Variants in DSPP observed in about 807,000 individuals in gnomAD.
DSPP encodes the protein deafness, autosomal dominant 39.
A neutral mutation model predicts 29.1 loss-of-function variants in DSPP; 28 were observed. The observed-to-expected ratio is 0.96, with a 90% CI of 0.71 to 1.32. The LOEUF (loss-of-function observed/expected upper bound fraction) is 1.32. Ranked by LOEUF, DSPP falls within the 40% of genes most tolerant of loss-of-function variation. The pLI, the probability that DSPP is intolerant of heterozygous loss-of-function variation, is 0.00. For synonymous variants in DSPP, 481 were observed against 503.4 expected (o/e 0.96, Z 0.60); for missense variants, 1,281 against 1,629.9 (o/e 0.79, Z 3.69).
rs766701289 is a variant in DSPP, at chr4:87,613,906, A to G, written c.1244A>G (p.Lys415Arg). ...ATGATCTTGGGCAAAGGCAATGTCAAGACACAAGGAGAGGTTGTCAACATA... is the reference window on the plus strand; with the variant it reads ...ATGATCTTGGGCAAAGGCAATGTCAGGACACAAGGAGAGGTTGTCAACATA... ...HGMILGKGNV[K>R]TQGEVVNIEG... The change falls in exon 5 of 5, where the codon AAG becomes AGG. Residue 415 changes from lysine to arginine, a missense_variant. Coordinates refer to ENST00000651931, the MANE Select transcript of DSPP (RefSeq NM_014208.3). 18 of 1,614,148 alleles carry G rather than the reference A, an allele frequency of 1.1e-5. No homozygotes were observed. Among genetic ancestry groups the G allele is most frequent in the Non-Finnish European group, 1.4e-5 (16 of 1,180,058 alleles).
intron 2 of DSPP, 75 bp from the exon 3 acceptor site, chr4:87,612,030 T>C: frequency 7.7e-7 from 1 of 1,293,446 alleles, no homozygotes; most frequent in South Asian, 1.2e-5. Flanking sequence ...TGTGTGTGTG[T>C]GTGTGTGTGT....
At chr4:87,613,668 A>C (rs1374785324) in intron 4 of DSPP, 117 bp from the exon 5 acceptor site, 1 of 1,393,348 alleles carries the variant, frequency 7.2e-7, no homozygotes, top group Non-Finnish European at 1.0e-6. Flanking sequence ...ACTGTGAAGT[A>C]CTAGAAATGT....
chr4:87,612,291 C>G, intron 3 of DSPP, 31 bp from the exon 4 acceptor site: 1 of 1,613,338 alleles, frequency 6.2e-7, no homozygotes, highest in African/African-American at 1.3e-5. Flanking sequence ...ATCATTGATA[C>G]TTATAATTGA....
chr4:87,614,330 TAGC>T lies in DSPP; in HGVS notation c.1673_1675del (p.Ser558del). ...ATAGCAGTGACAGTGATAGTAGTGA[TAGC>T]AGCAATAGCAGTGATAGTAGTGACA... On this transcript the variant is annotated inframe_deletion, in exon 5 of 5. Coordinates refer to ENST00000651931, the MANE Select transcript of DSPP (RefSeq NM_014208.3). 20 of 1,609,132 alleles carry T rather than the reference TAGC, an allele frequency of 1.2e-5. No homozygotes were observed. The highest frequency in any genetic ancestry group is 1.7e-5 in the Admixed American group (1 of 59,788).
Position 87,612,768 on chromosome 4 carries a change from C to A in DSPP, c.582C>A (p.Asp194Glu), listed in dbSNP as rs2109995675. 6.2e-7 allele frequency: 1 copy of A among 1,614,072 alleles called. No homozygotes were observed. The highest frequency in any genetic ancestry group is 8.5e-7 in the Non-Finnish European group (1 of 1,180,010). The change falls in exon 4 of 5, where the codon GAC (aspartate) becomes GAA (glutamate). Residue 194 changes from aspartate to glutamate, a missense_variant. Physicochemically the swap from Asp to Glu is conservative, Grantham distance 45. Transcript: ENST00000651931. ...PQVAGSNNST[D>E]NEDEIIENSC... is the part of the protein sequence containing the mutation. ...TAGCTGGAAGCAATAACAGTACAGACAATGAGGATGAAATAATTGAGAATT... is the reference window on the plus strand; with the variant it reads ...TAGCTGGAAGCAATAACAGTACAGAAAATGAGGATGAAATAATTGAGAATT...
chr4:87,614,822 T>C lies in DSPP; in HGVS notation c.2160T>C (p.Asn720=), dbSNP rs981980695. 3 of 1,549,924 alleles carry C rather than the reference T, an allele frequency of 1.9e-6. No homozygotes were observed. The highest frequency in any genetic ancestry group is 2.6e-6 in the Non-Finnish European group (3 of 1,146,684). ...SDSSDSSDSS[N]SNSSDSDSSN... ...GCAGTGATAGTAGTGACAGCAGTAATAGTAACAGCAGCGATAGTGACAGCA... is the reference window on the plus strand; with the variant it reads ...GCAGTGATAGTAGTGACAGCAGTAACAGTAACAGCAGCGATAGTGACAGCA... The change falls in exon 5 of 5, where the codon AAT becomes AAC. Residue 720 remains asparagine, a synonymous_variant. Coordinates refer to ENST00000651931, the MANE Select transcript of DSPP (RefSeq NM_014208.3).
chr4:87,609,788 C>G (rs927744197), intron 1 of DSPP, among the ~76,000 whole-genome samples: 1 of 152,110 alleles, frequency 6.6e-6, no homozygotes, highest in African/African-American at 2.4e-5. Context: ...GAGTAAAACT[C>G]TCCTTTCTAT....
At position 87,613,315 on chromosome 4, in the gene DSPP, T is replaced by G. The variant is rs1255905227; in HGVS notation, c.1122+7T>G. 2 of 1,613,044 alleles carry G rather than the reference T, an allele frequency of 1.2e-6. No homozygotes were observed. Among genetic ancestry groups the G allele is most frequent in the African/African-American group, 2.7e-5 (2 of 75,046 alleles). On this transcript the variant is annotated splice_region_variant and intron_variant, in intron 4 of 4. Transcript: ENST00000651931. Reference sequence around the variant, plus strand: ...TGGGAAGAGCCAAGATAAGGTTAGTTTGTAAAGCTGATTTCTTTCAATGGC... The same window carrying G: ...TGGGAAGAGCCAAGATAAGGTTAGTGTGTAAAGCTGATTTCTTTCAATGGC...
chr4:87,614,443 ATAG>A lies in DSPP; in HGVS notation c.1786_1788del (p.Ser596del), dbSNP rs1437344619. 58 of 1,551,768 alleles carry A rather than the reference ATAG, an allele frequency of 3.7e-5. No individual in the cohort carries two copies. The Admixed American group carries it at 4.5e-4, about 12-fold the overall frequency. On this transcript the variant is annotated inframe_deletion, in exon 5 of 5. Coordinates refer to ENST00000651931, the MANE Select transcript of DSPP (RefSeq NM_014208.3). ...GACAGCAGTGATAGCAGTGACAGTGATAGTAGTGATAGCAGCAATAGCAGTGAC... is the reference window on the plus strand; with the variant it reads ...GACAGCAGTGATAGCAGTGACAGTGATAGTGATAGCAGCAATAGCAGTGAC...
At chr4:87,613,666 G>A in intron 4 of DSPP, 119 bp from the exon 5 acceptor site, 1 of 1,387,962 alleles carries the variant, frequency 7.2e-7, no homozygotes, top group Non-Finnish European at 1.0e-6. Flanking sequence ...TAACTGTGAA[G>A]TACTAGAAAT....
chr4:87,613,670 T>C (rs1173343183), intron 4 of DSPP, 115 bp from the exon 5 acceptor site: 1 of 1,425,064 alleles, frequency 7.0e-7, no homozygotes, highest in East Asian at 2.3e-5. Flanking sequence ...TGTGAAGTAC[T>C]AGAAATGTAA....
At chr4:87,611,219 A>G (rs1329625676) in intron 2 of DSPP, among the ~76,000 whole-genome samples, 1 of 152,130 alleles carries the variant, frequency 6.6e-6, no homozygotes, top group Non-Finnish European at 1.5e-5. Flanking sequence ...ATTCCTCTAT[A>G]GAAACTCATA....
Position 87,610,877 on chromosome 4 carries a change from A to G in DSPP, c.-28-4A>G. 6.3e-7 allele frequency: 1 copy of G among 1,579,644 alleles called. No individual in the cohort carries two copies. ...TAATTTTGTGCTGTTCCTTTTTTATACAGCCATTGATTATTATTATTCCTA... is the reference window on the plus strand; with the variant it reads ...TAATTTTGTGCTGTTCCTTTTTTATGCAGCCATTGATTATTATTATTCCTA... On this transcript the variant is annotated splice_region_variant and splice_polypyrimidine_tract_variant and intron_variant, in intron 1 of 4. Transcript: ENST00000651931.
At chr4:87,612,014 T>A (rs1196173680) in intron 2 of DSPP, 91 bp from the exon 3 acceptor site, 26 of 157,476 alleles carry the variant, frequency 1.7e-4, no homozygotes, top group Non-Finnish European at 2.6e-4. Context: ...AGAATATTTG[T>A]GTGTGTGTGT....
intron 1 of DSPP, 129 bp from the exon 2 acceptor site, chr4:87,610,752 A>G: frequency 1.5e-6 from 1 of 670,158 alleles, no homozygotes; most frequent in Non-Finnish European, 2.7e-6. Context: ...GGACCATCGT[A>G]TGTCTTCTCG....
chr4:87,612,121 C>T lies in DSPP; in HGVS notation c.68C>T (p.Pro23Leu), dbSNP rs1467702977. 1.2e-5 allele frequency: 20 copies of T among 1,613,768 alleles called. No individual in the cohort carries two copies. Among genetic ancestry groups the T allele is most frequent in the Non-Finnish European group, 1.7e-5 (20 of 1,179,832 alleles). The change falls in exon 3 of 5, where the codon CCA becomes CTA. Residue 23 changes from proline (P) to leucine (L), a missense_variant. Coordinates refer to ENST00000651931, the MANE Select transcript of DSPP (RefSeq NM_014208.3). ...AWAIPVPQSKPLERHVEKSMN... is the reference protein window; with the variant it reads ...AWAIPVPQSKLLERHVEKSMN... ...ACTTGGCAGGTTCCTCAAAGCAAAC[C>T]ACTGGAGAGACATGTCGAAAAATCC...
rs1727960659 is a variant in DSPP at position 87,616,522 on chromosome 4, G to A, written c.3860G>A (p.Ser1287Asn). The A allele has an allele frequency of 3.5e-5, 54 of 1,551,642 alleles. No individual in the cohort carries two copies. Among genetic ancestry groups the A allele is most frequent in the Non-Finnish European group, 4.6e-5 (53 of 1,147,010 alleles). Residue 1287 changes from serine (S) to asparagine (N), a missense_variant, in exon 5 of 5, where the codon AGT becomes AAT. This residue lies in a region of DSPP where 134 missense variants were observed against 185.0 expected (regional missense o/e 0.72). Coordinates refer to ENST00000651931, the MANE Select transcript of DSPP (RefSeq NM_014208.3). ...NGNNNGSDSD[S>N]DSEGSDSNHS... ...AACAACAATGGAAGTGACAGTGACA[G>A]TGACAGTGAAGGCAGTGACAGTAAC...
At position 87,613,248 on chromosome 4, in the gene DSPP, C is replaced by A; in HGVS notation, c.1062C>A (p.Arg354=). 6.2e-7 allele frequency: 1 copy of A among 1,613,710 alleles called. No individual in the cohort carries two copies. The part of the protein sequence containing the change: ...TQKLNHRESK[R]VENRITKESE... The stretch of plus-strand genomic sequence containing the variant: ...AGCTCAACCATAGAGAAAGCAAACG[C>A]GTAGAAAATAGAATCACCAAAGAAT... Residue 354 remains arginine, a synonymous_variant, in exon 4 of 5, where the codon CGC becomes CGA. Coordinates refer to ENST00000651931, the MANE Select transcript of DSPP (RefSeq NM_014208.3).
Position 87,612,476 on chromosome 4 carries a change from C to T in DSPP, c.290C>T (p.Ser97Phe), listed in dbSNP as rs766714296. 2 of 1,613,902 alleles carry T rather than the reference C, an allele frequency of 1.2e-6. No homozygotes were observed. The highest frequency in any genetic ancestry group is 2.2e-5 in the South Asian group (2 of 91,050). The change falls in exon 4 of 5, where the codon TCC becomes TTC. Residue 97 changes from serine (S) to phenylalanine (F), a missense_variant. This residue lies in a region of DSPP where 631 missense variants were observed against 643.2 expected (regional missense o/e 0.98). Coordinates refer to ENST00000651931, the MANE Select transcript of DSPP (RefSeq NM_014208.3). ...EVGGKSFSTY[S>F]TLANEEGNIE... The stretch of plus-strand genomic sequence containing the variant: ...GGAGGGAAGAGTTTTTCTACATATT[C>T]CACATTAGCAAACGAAGAGGGGAAT...
Sources: gnomAD v4.1 joint callset for allele counts (sites outside exome capture counted in the v4.1 genomes callset) on GRCh38, gnomAD v4.1.1 for gene constraint, gnomAD v4.1.1 regional missense constraint, MANE v1.5 for transcripts, NCBI Gene and HGNC (gene_info 2026-07-23, HGNC 2026-07-21) for gene names.